ARVCF: variants seen among roughly 807,000 people sequenced by gnomAD.
ARVCF encodes splicing regulator ARVCF.
Under a neutral mutation model 90.9 loss-of-function variants are expected in ARVCF, and 66 were observed. The ratio of observed to expected loss-of-function variants is 0.73; its 90% CI spans 0.60 to 0.89. The LOEUF is 0.89. Among genes scored for constraint, ARVCF ranks in the 40% least tolerant of loss-of-function variants. The pLI is 0.00. For synonymous variants in ARVCF, 653 were observed against 603.4 expected, an observed-to-expected ratio of 1.08 and a Z score of -1.21; for missense variants, 1,469 against 1,382.3, an observed-to-expected ratio of 1.06 and a Z score of -1.00.
chr22:19,992,350 G>A lies in ARVCF; in HGVS notation c.-18-1538C>T, dbSNP rs553283753. ...AATGCAGGGAGAGCTGGGGGCCGCC[G>A]CCCGAGACTGAGGTGCAGACTGGGC... On this transcript the variant is annotated intron_variant, in intron 2 of 19. Coordinates refer to ENST00000263207, the MANE Select transcript of ARVCF (RefSeq NM_001670.3). Among the ~76,000 whole-genome samples, 62 of 152,308 alleles carry A rather than the reference G, an allele frequency of 4.1e-4. 1 individual carries two copies. The highest frequency in any genetic ancestry group is 3.6e-3 in the Admixed American group (55 of 15,302).
rs568014638 is a variant in ARVCF, at chr22:19,987,401, C to A, written c.210+3184G>T. On this transcript the variant is annotated intron_variant, in intron 3 of 19. Coordinates refer to ENST00000263207, the MANE Select transcript of ARVCF (RefSeq NM_001670.3). ...CCCCACTTCCCACCACCTCCCCCCA[C>A]CCACTGCCGGCCTGGACTTCTGCTC... 2.3e-3 allele frequency among the ~76,000 whole-genome samples: 339 copies of A among 149,652 alleles called. 1 individual carries two copies. The highest frequency in any genetic ancestry group is 3.1e-3 in the Non-Finnish European group (206 of 67,088).
In ARVCF at chr22:19,981,937, G is replaced by C. The variant is rs1943527510; in HGVS notation, c.365C>G (p.Thr122Ser). ...ACTGCCTGGGCCTGGCCATACCTTGGTCTCGGTGCGCCGGGTTGTGCCATC... is the reference window on the plus strand; with the variant it reads ...ACTGCCTGGGCCTGGCCATACCTTGCTCTCGGTGCGCCGGGTTGTGCCATC... ...SEDGTTRRTE[T>S]KVTKTVKTVT... Residue 122 changes from threonine to serine, a missense_variant, in exon 4 of 20, where the codon ACC becomes AGC. Physicochemically the swap from Thr to Ser is moderately conservative, Grantham distance 58. Transcript: ENST00000263207. 2 of 1,612,286 alleles carry C rather than the reference G, an allele frequency of 1.2e-6. No individual in the cohort carries two copies. The highest frequency in any genetic ancestry group is 2.7e-5 in the African/African-American group (2 of 74,862).
At chr22:20,000,150 A>T (rs1203801512) in intron 2 of ARVCF, among the ~76,000 whole-genome samples, 6 of 152,158 alleles carry the variant, frequency 3.9e-5, no homozygotes, top group Non-Finnish European at 8.8e-5. Context: ...TTGACCCAGC[A>T]TGAAGTAGAG....
At chr22:19,976,345 C>T (rs1601586633) in intron 10 of ARVCF, among the ~76,000 whole-genome samples, 1 of 152,220 alleles carries the variant, frequency 6.6e-6, no homozygotes, top group Non-Finnish European at 1.5e-5. Context: ...CTTCAGAAGG[C>T]AGCAGAGTGG....
chr22:19,982,125 G>A, intron 3 of ARVCF, 34 bp from the exon 4 acceptor site: 1 of 1,603,696 alleles, frequency 6.2e-7, no homozygotes, highest in South Asian at 1.1e-5. Flanking sequence ...GGGCAGGCCT[G>A]CTGCTCAGTC....
rs777235118 is a variant in ARVCF, at chr22:19,971,297, G to A, written c.2820C>T (p.Ser940=). The A allele has an allele frequency of 6.4e-7, 1 of 1,556,370 alleles. No individual in the cohort carries two copies. ...CGTCCACCAGCCTGACCGCGGGCCT[G>A]CTGGGCCCGGGGGGAGGGGCCTTCC... ...PSRKAPPPGP[S]RPAVRLVDAV... The change falls in exon 19 of 20, where the codon AGC becomes AGT. Residue 940 remains serine (S), a synonymous_variant. Coordinates refer to ENST00000263207, the MANE Select transcript of ARVCF (RefSeq NM_001670.3).
intron 3 of ARVCF, among the ~76,000 whole-genome samples, chr22:19,985,643 G>C (rs574246140): frequency 2.4e-4 from 37 of 152,392 alleles, no homozygotes; most frequent in Middle Eastern, 6.8e-3. Context: ...AACACACAGA[G>C]GGATGCTGGG....
chr22:20,001,841 T>A (rs927670725), intron 2 of ARVCF, among the ~76,000 whole-genome samples: 2 of 151,986 alleles, frequency 1.3e-5, no homozygotes, highest in East Asian at 3.9e-4. Context: ...ATAATGAGGA[T>A]CCCATGGAGA....
At position 19,973,804 on chromosome 22, in the gene ARVCF, G is replaced by A. The variant is rs939686536; in HGVS notation, c.2089-11C>T. 1.3e-5 allele frequency: 21 copies of A among 1,599,614 alleles called. No homozygotes were observed. Among genetic ancestry groups the A allele is most frequent in the Admixed American group, 1.7e-5 (1 of 59,798 alleles). ...GATGTACGTGGCCCACTGCGGAGGC[G>A]GGGAGAGGGTTGCTCAGACATACAT... On this transcript the variant is annotated splice_polypyrimidine_tract_variant and intron_variant, in intron 12 of 19. Coordinates refer to ENST00000263207, the MANE Select transcript of ARVCF (RefSeq NM_001670.3).
At position 19,993,313 on chromosome 22, in the gene ARVCF, G is replaced by T. The variant is rs540425230; in HGVS notation, c.-18-2501C>A. 6.0e-4 allele frequency among the ~76,000 whole-genome samples: 92 copies of T among 152,338 alleles called. 1 individual carries two copies. In the South Asian group the frequency reaches 9.1e-3, roughly 15 times the overall value. On this transcript the variant is annotated intron_variant, in intron 2 of 19. Coordinates refer to ENST00000263207, the MANE Select transcript of ARVCF (RefSeq NM_001670.3). ...GCCAGTCTGGATACAAGGGATCCTG[G>T]CCCAGAACCAAAGAGGGCTGCTTTT... is the stretch of plus-strand genomic sequence containing the variant.
intron 2 of ARVCF, among the ~76,000 whole-genome samples, chr22:19,995,792 C>A (rs375937483): frequency 6.6e-6 from 1 of 152,142 alleles, no homozygotes; most frequent in Non-Finnish European, 1.5e-5. Flanking sequence ...CTGGCCCCCC[C>A]CTCGAGGGGA....
chr22:19,969,031 T>C (rs1245606831), downstream of ARVCF: 1 of 293,348 alleles, frequency 3.4e-6, no homozygotes, highest in Non-Finnish European at 6.6e-6. Context: ...TAGATATAAC[T>C]CGACTTAGTA....
chr22:19,976,800 C>A, intron 9 of ARVCF, 77 bp from the exon 10 acceptor site: 2 of 1,518,500 alleles, frequency 1.3e-6, no homozygotes, highest in Non-Finnish European at 1.8e-6. Flanking sequence ...CATGCCCTCC[C>A]GGAAGCCTCA....
intron 2 of ARVCF, among the ~76,000 whole-genome samples, chr22:19,998,379 CT>C (rs924598730): frequency 1.1e-4 from 16 of 152,348 alleles, no homozygotes; most frequent in Admixed American, 9.1e-4. Flanking sequence ...GGTGCAGCCC[CT>C]GGGAGCCTGT....
downstream of ARVCF, chr22:19,968,420 A>T: frequency 9.8e-7 from 1 of 1,021,780 alleles, no homozygotes. Flanking sequence ...ACCTGGCCCC[A>T]GGGGCTAGGC....
chr22:19,984,348 C>G (rs913457085), intron 3 of ARVCF, among the ~76,000 whole-genome samples: 3 of 152,106 alleles, frequency 2.0e-5, no homozygotes, highest in Non-Finnish European at 4.4e-5. Context: ...CTGGGGTGGT[C>G]CAGGAGAGCC....
At chr22:19,967,019 G>C, downstream of ARVCF, 3 of 1,199,608 alleles carry the variant, frequency 2.5e-6, no homozygotes, top group Middle Eastern at 3.6e-4. Context: ...TAGGAGGCTT[G>C]CAGTGTCGGG....
At chr22:20,011,215 T>G (rs1601689127) in intron 1 of ARVCF, among the ~76,000 whole-genome samples, 1 of 152,250 alleles carries the variant, frequency 6.6e-6, no homozygotes, top group African/African-American at 2.4e-5. Flanking sequence ...ACCCTGCGGC[T>G]TCCTGTCTCA....
In ARVCF at chr22:19,971,961, G is replaced by A. The variant is rs1323789086; in HGVS notation, c.2706C>T (p.Ser902=). The A allele has an allele frequency of 6.2e-7, 1 of 1,610,696 alleles. No homozygotes were observed. Among genetic ancestry groups the A allele is most frequent in the Non-Finnish European group, 8.5e-7 (1 of 1,178,750 alleles). ...PMDALGPDGY[S]TVDRRERRPR... Reference sequence around the variant, plus strand: ...GCCTCCGCTCCCTCCGGTCCACCGTGGAGTATCCGTCTGTAGATGGGGTAA... The same window carrying A: ...GCCTCCGCTCCCTCCGGTCCACCGTAGAGTATCCGTCTGTAGATGGGGTAA... The change falls in exon 18 of 20, where the codon TCC becomes TCT. Residue 902 remains serine, a synonymous_variant. Coordinates refer to ENST00000263207, the MANE Select transcript of ARVCF (RefSeq NM_001670.3).
Sources: allele counts gnomAD v4.1 joint callset (sites outside exome capture counted in the v4.1 genomes callset), GRCh38; gene constraint gnomAD v4.1.1; transcripts MANE v1.5; gene names NCBI Gene and HGNC (gene_info 2026-07-23, HGNC 2026-07-21).